ROBO2: variants seen among roughly 807,000 people sequenced by gnomAD.
The protein encoded by ROBO2 is roundabout guidance receptor 2.
ROBO2 carries 53 observed loss-of-function variants against 160.8 expected under a neutral mutation model. The ratio of observed to expected loss-of-function variants is 0.33; its 90% CI spans 0.26 to 0.41. The LOEUF is 0.41. Ranked by LOEUF, ROBO2 falls within the 10% of genes least tolerant of loss-of-function variation. The probability of loss-of-function intolerance (pLI) is 1.00; values close to 1 mark genes in which losing one functional copy is unlikely to be tolerated. For synonymous variants in ROBO2, 664 were observed against 611.7 expected, an observed-to-expected ratio of 1.09 and a Z score of -1.26; for missense variants, 1,577 against 1,722.4, an observed-to-expected ratio of 0.92 and a Z score of 1.49.
chr3:77,627,815 A>G (rs2095062753), intron 23 of ROBO2, among the ~76,000 whole-genome samples: 1 of 152,238 alleles, frequency 6.6e-6, no homozygotes, highest in Admixed American at 6.5e-5. Context: ...TAGTTTTTGT[A>G]TCTCATAAAA....
At chr3:76,546,679 A>G (rs563738487) in intron 2 of ROBO2, among the ~76,000 whole-genome samples, 42 of 152,118 alleles carry the variant, frequency 2.8e-4, no homozygotes, top group Non-Finnish European at 4.6e-4. Flanking sequence ...ATGGCAATTT[A>G]TTACAGTAGC....
chr3:76,243,462 T>C (rs1220131598), intron 2 of ROBO2, among the ~76,000 whole-genome samples: 1 of 152,168 alleles, frequency 6.6e-6, no homozygotes, highest in Non-Finnish European at 1.5e-5. Flanking sequence ...TTATCACTTA[T>C]ATTACAAAAC....
chr3:77,367,688 T>A (rs1201481041), intron 2 of ROBO2, among the ~76,000 whole-genome samples: 1 of 152,164 alleles, frequency 6.6e-6, no homozygotes, highest in Non-Finnish European at 1.5e-5. Context: ...TGCTTAGCAA[T>A]GAAAGTGTGT....
rs1003396010 is a variant in ROBO2, at chr3:76,964,534, AG to A, written c.110-133477del. On this transcript the variant is annotated intron_variant, in intron 2 of 26. Transcript: ENST00000487694. ...ATTTTTTGTAGTTTTTAGTAGAGAC[AG>A]GGTTTTACCATGTTGGCCAGGCTGG... 2.4e-4 allele frequency among the ~76,000 whole-genome samples: 37 copies of A among 152,158 alleles called. No individual in the cohort carries two copies. In the Middle Eastern group the frequency reaches 0.01, roughly 42 times the overall value.
At chr3:77,351,926 A>G (rs912308408) in intron 2 of ROBO2, among the ~76,000 whole-genome samples, 7 of 151,506 alleles carry the variant, frequency 4.6e-5, no homozygotes, top group Admixed American at 2.6e-4. Flanking sequence ...GAAGGGGAAC[A>G]TCATACTCTG....
intron 15 of ROBO2, among the ~76,000 whole-genome samples, chr3:77,578,826 C>A (rs1419167794): frequency 1.3e-5 from 2 of 151,714 alleles, no homozygotes; most frequent in African/African-American, 4.8e-5. Context: ...ATTTTTGTAC[C>A]ATTTGGCACT....
chr3:76,570,958 A>G (rs1346287093), intron 2 of ROBO2, among the ~76,000 whole-genome samples: 1 of 152,188 alleles, frequency 6.6e-6, no homozygotes, highest in East Asian at 1.9e-4. Context: ...ACTGTATCAT[A>G]CAGAATACAA....
At chr3:77,577,722 G>A in intron 15 of ROBO2, 108 bp downstream of exon 16, 1 of 1,338,894 alleles carries the variant, frequency 7.5e-7, no homozygotes, top group Non-Finnish European at 1.1e-6. Context: ...CAGTTTAAGT[G>A]TAAAGTTTTT....
chr3:76,432,916 G>A (rs1390622177), intron 2 of ROBO2, among the ~76,000 whole-genome samples: 3 of 151,890 alleles, frequency 2.0e-5, no homozygotes, highest in African/African-American at 7.3e-5. Flanking sequence ...AGAAAAAGAT[G>A]GGAGGAGGGA....
At chr3:77,394,020 C>G (rs1263028470) in intron 2 of ROBO2, among the ~76,000 whole-genome samples, 1 of 152,126 alleles carries the variant, frequency 6.6e-6, no homozygotes, top group Non-Finnish European at 1.5e-5. Flanking sequence ...TGCGGCCTCT[C>G]CTTATAGAGT....
intron 2 of ROBO2, among the ~76,000 whole-genome samples, chr3:76,872,979 C>T (rs888472841): frequency 4.0e-5 from 6 of 151,768 alleles, no homozygotes; most frequent in Middle Eastern, 3.2e-3. Flanking sequence ...TTAAAAGTGG[C>T]GTTCTGTTCA....
chr3:76,204,742 A>G (rs566627444), intron 2 of ROBO2, among the ~76,000 whole-genome samples: 2 of 152,292 alleles, frequency 1.3e-5, no homozygotes, highest in South Asian at 4.1e-4. Context: ...GCTACATATC[A>G]CAATCTGAGT....
intron 2 of ROBO2, among the ~76,000 whole-genome samples, chr3:77,420,236 G>A (rs1404889985): frequency 6.7e-6 from 1 of 149,922 alleles, no homozygotes; most frequent in East Asian, 2.0e-4. Flanking sequence ...AAATATTTAA[G>A]GTAACTATTT....
chr3:77,460,568 A>G (rs1421938816), intron 2 of ROBO2, among the ~76,000 whole-genome samples: 2 of 152,160 alleles, frequency 1.3e-5, no homozygotes, highest in Non-Finnish European at 2.9e-5. Context: ...AAGTAGATGG[A>G]TGAGTAATGG....
In ROBO2 at chr3:77,178,529, A is replaced by C. The variant is rs531017725; in HGVS notation, c.388+80189A>C. 1.6e-4 allele frequency among the ~76,000 whole-genome samples: 25 copies of C among 152,166 alleles called. No individual in the cohort carries two copies. The South Asian group carries it at 3.3e-3, about 20-fold the overall frequency. On this transcript the variant is annotated intron_variant, in intron 2 of 25. Transcript: ENST00000461745. ...TTTCAGTGCTTCAGATTAATGAAAA[A>C]ATACCCATCCTTACTAAACAGGTGA...
At position 76,273,065 on chromosome 3, in the gene ROBO2, AT is replaced by A. The variant is rs1191453143; in HGVS notation, c.109+335464del. On this transcript the variant is annotated intron_variant, in intron 2 of 26. Transcript: ENST00000487694. Reference sequence around the variant, plus strand: ...TATATATTATATAAATATATAAAAAATATATATAAATATAATATATATAAAA... The same window carrying A: ...TATATATTATATAAATATATAAAAAAATATATAAATATAATATATATAAAA... Among the ~76,000 whole-genome samples, 15 of 108,538 alleles carry A rather than the reference AT, an allele frequency of 1.4e-4. No individual in the cohort carries two copies. The East Asian group carries it at 2.9e-3, about 21-fold the overall frequency. 71.2% of individuals were successfully genotyped at this position (108,538 alleles called of 152,430 possible). A position where few individuals can be genotyped will look rare whatever the true frequency, so the allele number is the denominator to read the frequency against.
intron 2 of ROBO2, among the ~76,000 whole-genome samples, chr3:77,218,767 T>G (rs979617452): frequency 6.6e-6 from 1 of 152,170 alleles, no homozygotes; most frequent in African/African-American, 2.4e-5. Context: ...GTGACACATT[T>G]ATTTGTGACT....
At chr3:75,950,227 A>G (rs1484091403) in intron 2 of ROBO2, among the ~76,000 whole-genome samples, 1 of 152,122 alleles carries the variant, frequency 6.6e-6, no homozygotes, top group Non-Finnish European at 1.5e-5. Flanking sequence ...AACAAATTCA[A>G]TAAAATATTA....
intron 2 of ROBO2, among the ~76,000 whole-genome samples, chr3:77,026,465 T>A (rs751707148): frequency 1.3e-5 from 2 of 152,198 alleles, no homozygotes; most frequent in African/African-American, 2.4e-5. Flanking sequence ...AGACCAGATG[T>A]GTCAGTGCAA....
Sources: gnomAD v4.1 joint callset for allele counts (sites outside exome capture counted in the v4.1 genomes callset) on GRCh38, gnomAD v4.1.1 for gene constraint, MANE v1.5 for transcripts, NCBI Gene and HGNC (gene_info 2026-07-23, HGNC 2026-07-21) for gene names.